Variants in MRPS27 observed in about 807,000 individuals in gnomAD.
The protein encoded by MRPS27 is mitochondrial ribosomal protein S27, also known as small ribosomal subunit protein mS27.
Under a neutral mutation model 48.9 loss-of-function variants are expected in MRPS27, and 43 were observed. That is an observed-to-expected ratio of 0.88 (90% confidence interval 0.69 to 1.13). MRPS27 has a LOEUF of 1.13. MRPS27 is among the 50% of genes most tolerant of loss of function. MRPS27 has a pLI of 0.00. For synonymous variants in MRPS27, 188 were observed against 171.9 expected, an observed-to-expected ratio of 1.09 and a Z score of -0.73; for missense variants, 467 against 476.3, an observed-to-expected ratio of 0.98 and a Z score of 0.18.
At chr5:72,245,731 G>C (rs1333265880) in intron 4 of MRPS27, among the ~76,000 whole-genome samples, 1 of 152,318 alleles carries the variant, frequency 6.6e-6, no homozygotes, top group African/African-American at 2.4e-5. Flanking sequence ...GCACACCAGG[G>C]TAAAAGCAGA....
At chr5:72,224,050 T>A (rs925051285) in intron 9 of MRPS27, among the ~76,000 whole-genome samples, 200 bp from the exon 10 acceptor site, 4 of 152,136 alleles carry the variant, frequency 2.6e-5, no homozygotes, top group African/African-American at 9.7e-5. Flanking sequence ...TGGAAAACAG[T>A]ACAAGACAAA....
rs3209157 is a variant in MRPS27, at chr5:72,223,837, C to T, written c.851G>A (p.Gly284Asp). The change falls in exon 10 of 11, where the codon GGT becomes GAT. Residue 284 changes from glycine (G) to aspartate (D), a missense_variant. Coordinates refer to ENST00000261413, the MANE Select transcript of MRPS27 (RefSeq NM_015084.3). The part of the protein sequence containing the change: ...KLCREALDVL[G>D]AVLKALTSAD... Reference sequence around the variant, plus strand: ...TGAAGTCAGAGCCTTCAGCACTGCACCCAGCACATCGAGCTGTGGAGCAGA... The same window carrying T: ...TGAAGTCAGAGCCTTCAGCACTGCATCCAGCACATCGAGCTGTGGAGCAGA... The T allele has an allele frequency of 0.36, 587,515 of 1,613,290 alleles. 112,176 individuals carry two copies. The highest frequency in any genetic ancestry group is 0.39 in the Non-Finnish European group (463,310 of 1,179,610).
chr5:72,287,993 G>C (rs554333310), intron 4 of MRPS27, among the ~76,000 whole-genome samples: 11 of 152,198 alleles, frequency 7.2e-5, no homozygotes, highest in Admixed American at 5.9e-4. Flanking sequence ...AGGGACTCAG[G>C]ACTGGAGTCT....
At chr5:72,255,029 CTTTTTTTTTTTTT>C (rs70999273) in intron 4 of MRPS27, among the ~76,000 whole-genome samples, 11 of 72,096 alleles carry the variant, frequency 1.5e-4, no homozygotes, top group South Asian at 5.2e-4. Context: ...CATTTCTTTT[CTTTTTTTTTTTTT>C]TTTTTTTTTT....
chr5:72,313,902 G>A (rs1189468859), intron 2 of MRPS27, among the ~76,000 whole-genome samples, 179 bp downstream of exon 2: 2 of 152,184 alleles, frequency 1.3e-5, no homozygotes, highest in Non-Finnish European at 2.9e-5. Context: ...TATTAGAAAT[G>A]AACAGGATAA....
chr5:72,254,954 A>C (rs997477572), intron 4 of MRPS27, among the ~76,000 whole-genome samples: 1 of 151,936 alleles, frequency 6.6e-6, no homozygotes, highest in Non-Finnish European at 1.5e-5. Context: ...GTCATATTTA[A>C]GTAAAATGCA....
At chr5:72,307,732 A>C (rs1750312331) in intron 2 of MRPS27, among the ~76,000 whole-genome samples, 1 of 152,052 alleles carries the variant, frequency 6.6e-6, no homozygotes, top group Non-Finnish European at 1.5e-5. Context: ...GGAGAGACTA[A>C]GTGGGGGCCG....
chr5:72,228,659 AAT>A (rs1747964152), intron 7 of MRPS27: 1 of 262,740 alleles, frequency 3.8e-6, no homozygotes, highest in Non-Finnish European at 7.1e-6. Flanking sequence ...TTTGGCAATG[AAT>A]AAGCGTTTCT....
chr5:72,293,255 T>C (rs1373676605), intron 4 of MRPS27, among the ~76,000 whole-genome samples: 1 of 151,184 alleles, frequency 6.6e-6, no homozygotes, highest in Non-Finnish European at 1.5e-5. Context: ...TAGTCTCATA[T>C]ATATACAAGC....
At chr5:72,234,040 G>T (rs1000253776) in intron 6 of MRPS27, 79 bp downstream of exon 6, 1 of 1,325,188 alleles carries the variant, frequency 7.5e-7, no homozygotes, top group South Asian at 2.0e-5. Context: ...AAATAAAAAA[G>T]GGGAAGTTCC....
At chr5:72,221,385 C>T (rs1445055501) in intron 10 of MRPS27, among the ~76,000 whole-genome samples, 4 of 152,134 alleles carry the variant, frequency 2.6e-5, no homozygotes, top group African/African-American at 9.7e-5. Context: ...CATTCAGGTG[C>T]TGTTAGCTGT....
At chr5:72,299,910 C>G (rs1174656121) in intron 2 of MRPS27, among the ~76,000 whole-genome samples, 5 of 152,210 alleles carry the variant, frequency 3.3e-5, no homozygotes, top group African/African-American at 7.2e-5. Context: ...ATCATGTCTA[C>G]CAGGTTACTA....
chr5:72,316,205 G>A (rs1281682737), intron 1 of MRPS27, among the ~76,000 whole-genome samples: 3 of 152,238 alleles, frequency 2.0e-5, no homozygotes, highest in Non-Finnish European at 4.4e-5. Context: ...GTTGCTAAGG[G>A]CTAAAGGTGA....
intron 4 of MRPS27, among the ~76,000 whole-genome samples, chr5:72,269,828 G>A (rs1331127735): frequency 6.6e-6 from 1 of 152,006 alleles, no homozygotes; most frequent in Non-Finnish European, 1.5e-5. Flanking sequence ...AATTTCTTGG[G>A]ATGGATAATG....
At chr5:72,314,304 T>C (rs372610118) in intron 1 of MRPS27, 146 bp from the exon 2 acceptor site, 14 of 476,710 alleles carry the variant, frequency 2.9e-5, no homozygotes, top group Middle Eastern at 5.7e-4. Flanking sequence ...CAATATCGCA[T>C]AGTTGACAAT....
intron 2 of MRPS27, among the ~76,000 whole-genome samples, chr5:72,313,557 T>C (rs1750492646): frequency 6.6e-6 from 1 of 152,174 alleles, no homozygotes; most frequent in African/African-American, 2.4e-5. Context: ...CTGTGTAATA[T>C]GACATAGGGA....
At chr5:72,313,868 C>T (rs1403296591) in intron 2 of MRPS27, among the ~76,000 whole-genome samples, 1 of 152,166 alleles carries the variant, frequency 6.6e-6, no homozygotes, top group Non-Finnish European at 1.5e-5. Context: ...TCTAAGGAGA[C>T]TAATCATGGA....
At chr5:72,290,007 T>C (rs1227191824) in intron 4 of MRPS27, among the ~76,000 whole-genome samples, 1 of 152,244 alleles carries the variant, frequency 6.6e-6, no homozygotes, top group Non-Finnish European at 1.5e-5. Flanking sequence ...GTTTGCATTT[T>C]AGCAATGCAG....
At chr5:72,245,681 A>G (rs1271227903) in intron 4 of MRPS27, among the ~76,000 whole-genome samples, 1 of 152,216 alleles carries the variant, frequency 6.6e-6, no homozygotes, top group East Asian at 1.9e-4. Context: ...GTCTGCCACA[A>G]AAGAAATGAG....
Sources: allele counts gnomAD v4.1 joint callset (sites outside exome capture counted in the v4.1 genomes callset), GRCh38; gene constraint gnomAD v4.1.1; transcripts MANE v1.5; gene names NCBI Gene and HGNC (gene_info 2026-07-23, HGNC 2026-07-21).